The following ADAMTSL1 variants were observed in gnomAD, a reference collection of about 807,000 sequenced individuals.
ADAMTSL1 encodes ADAMTS like 1.
A neutral mutation model predicts 201.8 loss-of-function variants in ADAMTSL1; 126 were observed. The ratio of observed to expected loss-of-function variants is 0.62; its 90% confidence interval spans 0.54 to 0.72. The LOEUF is 0.72. ADAMTSL1 is among the 30% of genes least tolerant of loss of function. The pLI is 0.00. For missense variants in ADAMTSL1, 2,679 were observed against 2,277.8 expected (o/e 1.18, Z -3.59); for synonymous variants, 1,121 against 903.4 (o/e 1.24, Z -4.32).
At chr9:18,637,399 G>C (rs1338006053) in intron 6 of ADAMTSL1, among the ~76,000 whole-genome samples, 1 of 152,116 alleles carries the variant, frequency 6.6e-6, no homozygotes, top group Non-Finnish European at 1.5e-5. Context: ...AAAATATTCA[G>C]GCCAAGAACA....
At chr9:18,647,579 A>G (rs553960661) in intron 7 of ADAMTSL1, among the ~76,000 whole-genome samples, 1 of 151,940 alleles carries the variant, frequency 6.6e-6, no homozygotes, top group Non-Finnish European at 1.5e-5. Flanking sequence ...AGAGTCTGGT[A>G]TGTTGTGTCT....
intron 3 of ADAMTSL1, among the ~76,000 whole-genome samples, chr9:18,560,984 G>T (rs1417006932): frequency 1.3e-5 from 2 of 148,924 alleles, no homozygotes; most frequent in African/African-American, 2.5e-5. Context: ...TTTTTGAAGG[G>T]TTTTTTATGT....
intron 3 of ADAMTSL1, among the ~76,000 whole-genome samples, chr9:18,571,284 A>G (rs1414663335): frequency 1.3e-5 from 2 of 152,226 alleles, no homozygotes; most frequent in East Asian, 1.9e-4. Context: ...TCTTCTGCTC[A>G]TTAAGGCAGA....
chr9:18,770,583 T>C lies in ADAMTSL1; in HGVS notation c.2218-19T>C. 6.3e-7 allele frequency: 1 copy of C among 1,596,462 alleles called. No homozygotes were observed. Among genetic ancestry groups the C allele is most frequent in the South Asian group, 1.1e-5 (1 of 88,676 alleles). On this transcript the variant is annotated intron_variant, in intron 16 of 28. Coordinates refer to ENST00000380548, the MANE Select transcript of ADAMTSL1 (RefSeq NM_001040272.6). ...CATATTGGGTCTACTTTTTCTTCTT[T>C]CCTTCTTTCTTTCCCCAGTGTTCCA...
At chr9:18,092,308 C>A (rs545624141) in intron 1 of ADAMTSL1, among the ~76,000 whole-genome samples, 1 of 152,090 alleles carries the variant, frequency 6.6e-6, no homozygotes, top group African/African-American at 2.4e-5. Flanking sequence ...GAGATTATCT[C>A]TCTGGGAAGG....
rs867398234 is a variant in ADAMTSL1 at position 18,699,617 on chromosome 9, A to G, written c.1575-7130A>G. On this transcript the variant is annotated intron_variant, in intron 13 of 28. Coordinates refer to ENST00000380548, the MANE Select transcript of ADAMTSL1 (RefSeq NM_001040272.6). ...AATGCTGGGATTACAAGTGTGAGCCATAGTGCCTGGCCACTTTAATATGTT... is the reference window on the plus strand; with the variant it reads ...AATGCTGGGATTACAAGTGTGAGCCGTAGTGCCTGGCCACTTTAATATGTT... Among the ~76,000 whole-genome samples, 4 of 152,316 alleles carry G rather than the reference A, an allele frequency of 2.6e-5. No individual in the cohort carries two copies. In the South Asian group the frequency reaches 8.3e-4, roughly 32 times the overall value.
At chr9:18,324,822 C>T (rs1834765580) in intron 2 of ADAMTSL1, among the ~76,000 whole-genome samples, 1 of 151,096 alleles carries the variant, frequency 6.6e-6, no homozygotes, top group African/African-American at 2.4e-5. Flanking sequence ...CAAAAGACAC[C>T]ATTATGAAAA....
chr9:18,743,101 A>G (rs2133559139), intron 15 of ADAMTSL1, among the ~76,000 whole-genome samples: 1 of 152,334 alleles, frequency 6.6e-6, no homozygotes, highest in Non-Finnish European at 1.5e-5. Flanking sequence ...ATTCTAGCTC[A>G]TTTTAATGTG....
intron 13 of ADAMTSL1, among the ~76,000 whole-genome samples, chr9:18,692,017 T>C (rs952906347): frequency 3.3e-5 from 5 of 152,166 alleles, no homozygotes; most frequent in African/African-American, 1.2e-4. Context: ...ATCTTGTATC[T>C]AATGGCATTT....
chr9:18,002,517 G>C (rs186525550), intron 1 of ADAMTSL1, among the ~76,000 whole-genome samples: 9 of 152,154 alleles, frequency 5.9e-5, no homozygotes, highest in African/African-American at 1.9e-4. Context: ...ACTAGCATAA[G>C]AGTATGTGAC....
At chr9:18,063,130 A>C (rs142723347) in intron 1 of ADAMTSL1, among the ~76,000 whole-genome samples, 1 of 152,038 alleles carries the variant, frequency 6.6e-6, no homozygotes, top group South Asian at 2.1e-4. Context: ...GGAGTTCAAG[A>C]CCAGCCTGAG....
intron 2 of ADAMTSL1, among the ~76,000 whole-genome samples, chr9:18,275,132 A>G (rs973600049): frequency 8.5e-5 from 13 of 152,160 alleles, no homozygotes; most frequent in Admixed American, 5.2e-4. Context: ...GAGCCATACA[A>G]TTCAATTGGG....
chr9:17,982,309 T>C (rs1263485566), intron 1 of ADAMTSL1, among the ~76,000 whole-genome samples: 1 of 152,102 alleles, frequency 6.6e-6, no homozygotes, highest in Non-Finnish European at 1.5e-5. Context: ...GGAAAGACTA[T>C]GAATACAATT....
At chr9:17,946,348 TA>T (rs1469771010) in intron 1 of ADAMTSL1, among the ~76,000 whole-genome samples, 2 of 152,014 alleles carry the variant, frequency 1.3e-5, no homozygotes, top group African/African-American at 4.8e-5. Context: ...GGTACTCAGG[TA>T]TCTAAGTCCA....
At chr9:18,624,899 C>T (rs1290851156) in intron 5 of ADAMTSL1, among the ~76,000 whole-genome samples, 1 of 152,142 alleles carries the variant, frequency 6.6e-6, no homozygotes, top group South Asian at 2.1e-4. Flanking sequence ...GGAATTGATT[C>T]GTTTACCTTA....
chr9:18,229,161 A>G (rs1189934487), intron 2 of ADAMTSL1, among the ~76,000 whole-genome samples: 1 of 152,144 alleles, frequency 6.6e-6, no homozygotes, highest in African/African-American at 2.4e-5. Flanking sequence ...TTTTAGGAGG[A>G]GGTGAGCAGC....
At chr9:18,486,001 C>T (rs1016488851) in intron 1 of ADAMTSL1, among the ~76,000 whole-genome samples, 1 of 152,180 alleles carries the variant, frequency 6.6e-6, no homozygotes, top group African/African-American at 2.4e-5. Context: ...GTAGCAAAAA[C>T]CTCTTGTGGG....
chr9:18,406,248 A>C (rs1818187146), intron 2 of ADAMTSL1, among the ~76,000 whole-genome samples: 1 of 150,936 alleles, frequency 6.6e-6, no homozygotes, highest in Non-Finnish European at 1.5e-5. Flanking sequence ...ATGCTCATGA[A>C]AGTAAAAATA....
intron 2 of ADAMTSL1, among the ~76,000 whole-genome samples, chr9:18,236,969 A>C (rs1382285742): frequency 6.6e-6 from 1 of 152,228 alleles, no homozygotes; most frequent in Non-Finnish European, 1.5e-5. Flanking sequence ...ATATCAATGT[A>C]AGGGGCAGAA....
Sources: allele counts gnomAD v4.1 joint callset (sites outside exome capture counted in the v4.1 genomes callset), GRCh38; gene constraint gnomAD v4.1.1; transcripts MANE v1.5; gene names NCBI Gene and HGNC (gene_info 2026-07-23, HGNC 2026-07-21).